The following PTPRD variants were observed in gnomAD, a reference collection of about 807,000 sequenced individuals.
PTPRD encodes the protein receptor-type tyrosine-protein phosphatase delta.
PTPRD carries 34 observed loss-of-function variants against 214.5 expected under a neutral mutation model. The ratio of observed to expected loss-of-function variants is 0.16; its 90% CI spans 0.12 to 0.21. The LOEUF is 0.21. Among genes scored for constraint, PTPRD ranks in the 10% least tolerant of loss-of-function variants. PTPRD has a pLI of 1.00. For synonymous variants in PTPRD, 1,128 were observed against 845.7 expected (o/e 1.33, Z -5.79); for missense variants, 2,545 against 2,398.7 (o/e 1.06, Z -1.27).
chr9:10,076,534 G>C (rs2098134352), intron 3 of PTPRD, among the ~76,000 whole-genome samples: 1 of 152,088 alleles, frequency 6.6e-6, no homozygotes, highest in African/African-American at 2.4e-5. Flanking sequence ...ATAAAAACAT[G>C]CAGTAAATGA....
chr9:10,605,656 T>C (rs954211372), intron 2 of PTPRD, among the ~76,000 whole-genome samples: 48 of 151,812 alleles, frequency 3.2e-4, no homozygotes, highest in African/African-American at 1.1e-3. Context: ...TAGATACGTA[T>C]CTGGAAATTT....
chr9:8,456,987 G>C (rs1034389438), intron 33 of PTPRD, among the ~76,000 whole-genome samples: 1 of 152,098 alleles, frequency 6.6e-6, no homozygotes, highest in Non-Finnish European at 1.5e-5. Context: ...CTGGAATAAA[G>C]TCTGAAAAGC....
chr9:8,383,678 G>A (rs189275651), intron 37 of PTPRD, among the ~76,000 whole-genome samples: 10 of 152,234 alleles, frequency 6.6e-5, no homozygotes, highest in Middle Eastern at 3.4e-3. Flanking sequence ...GCCCACATTG[G>A]ATTACAATAA....
intron 9 of PTPRD, among the ~76,000 whole-genome samples, chr9:9,282,937 T>C (rs191093364): frequency 1.4e-3 from 209 of 151,622 alleles, no homozygotes; most frequent in African/African-American, 4.8e-3. Flanking sequence ...TAGATTACAC[T>C]ATTCTATTCC....
intron 3 of PTPRD, among the ~76,000 whole-genome samples, chr9:10,337,552 T>G (rs1391590509): frequency 6.6e-6 from 1 of 151,682 alleles, no homozygotes; most frequent in Non-Finnish European, 1.5e-5. Context: ...AAAACAATAT[T>G]TTGTATATTC....
chr9:9,774,700 A>T (rs954456301), intron 5 of PTPRD, among the ~76,000 whole-genome samples: 1 of 152,232 alleles, frequency 6.6e-6, no homozygotes, highest in Non-Finnish European at 1.5e-5. Context: ...AGGCATTCAT[A>T]TAGAAGCCTT....
At chr9:9,678,286 G>C (rs2154395725) in intron 7 of PTPRD, among the ~76,000 whole-genome samples, 1 of 152,178 alleles carries the variant, frequency 6.6e-6, no homozygotes, top group African/African-American at 2.4e-5. Flanking sequence ...AAAGAAGAAA[G>C]CTGGAGGCAT....
intron 3 of PTPRD, among the ~76,000 whole-genome samples, chr9:10,223,012 A>G (rs547863128): frequency 6.6e-6 from 1 of 152,186 alleles, no homozygotes; most frequent in South Asian, 2.1e-4. Context: ...CAGAGAATGA[A>G]GAGTAAAAAT....
chr9:10,547,896 A>T (rs2130938717), intron 2 of PTPRD, among the ~76,000 whole-genome samples: 1 of 152,164 alleles, frequency 6.6e-6, no homozygotes, highest in East Asian at 1.9e-4. Context: ...TCGTGTTTTA[A>T]TAGAGATGTA....
intron 9 of PTPRD, among the ~76,000 whole-genome samples, chr9:9,391,283 A>T (rs2065756069): frequency 6.6e-6 from 1 of 152,144 alleles, no homozygotes. Flanking sequence ...GAGGCTATAA[A>T]CTACTCTGAT....
chr9:10,236,021 T>G (rs1594977220), intron 3 of PTPRD, among the ~76,000 whole-genome samples: 1 of 151,874 alleles, frequency 6.6e-6, no homozygotes, highest in East Asian at 1.9e-4. Context: ...TAATGTGGAT[T>G]TACACTAGAA....
intron 12 of PTPRD, among the ~76,000 whole-genome samples, chr9:8,642,284 G>C (rs1374392572): frequency 6.6e-6 from 1 of 152,122 alleles, no homozygotes; most frequent in Non-Finnish European, 1.5e-5. Context: ...GAAAATATGT[G>C]GCATGGGGAA....
chr9:8,712,794 C>G (rs979805458), intron 12 of PTPRD, among the ~76,000 whole-genome samples: 1 of 152,190 alleles, frequency 6.6e-6, no homozygotes, highest in Non-Finnish European at 1.5e-5. Flanking sequence ...TCTTGGCTCA[C>G]TGCAACCTCC....
At chr9:8,737,978 A>G (rs931589757) in intron 11 of PTPRD, among the ~76,000 whole-genome samples, 12 of 152,158 alleles carry the variant, frequency 7.9e-5, no homozygotes, top group African/African-American at 2.9e-4. Flanking sequence ...GGACATGCAG[A>G]TAGAACTCAA....
intron 11 of PTPRD, among the ~76,000 whole-genome samples, chr9:8,954,319 A>G (rs576619744): frequency 6.6e-6 from 1 of 151,900 alleles, no homozygotes; most frequent in African/African-American, 2.4e-5. Context: ...TAAAAAAAGG[A>G]GCAAAAGACG....
intron 9 of PTPRD, among the ~76,000 whole-genome samples, chr9:9,199,179 A>G (rs1451292527): frequency 6.6e-6 from 1 of 152,142 alleles, no homozygotes; most frequent in Admixed American, 6.6e-5. Flanking sequence ...GACTAGTTGC[A>G]CCTAGGGTAT....
intron 14 of PTPRD, among the ~76,000 whole-genome samples, chr9:8,597,387 T>C (rs2094531107): frequency 6.6e-6 from 1 of 152,170 alleles, no homozygotes; most frequent in African/African-American, 2.4e-5. Context: ...TATATTTCCA[T>C]TCAGTGCTAC....
At chr9:8,715,088 G>T (rs970392080) in intron 12 of PTPRD, among the ~76,000 whole-genome samples, 3 of 151,000 alleles carry the variant, frequency 2.0e-5, no homozygotes, top group Non-Finnish European at 4.4e-5. Context: ...TCCAAGACCT[G>T]AACAATATCT....
intron 4 of PTPRD, among the ~76,000 whole-genome samples, chr9:9,968,477 A>T (rs1017030518): frequency 1.1e-4 from 17 of 152,248 alleles, no homozygotes; most frequent in Admixed American, 2.0e-4. Context: ...CAAATTAGCT[A>T]TAAAGAATTA....
Sources: gnomAD v4.1 joint callset for allele counts (sites outside exome capture counted in the v4.1 genomes callset) on GRCh38, gnomAD v4.1.1 for gene constraint, MANE v1.5 for transcripts, NCBI Gene and HGNC (gene_info 2026-07-23, HGNC 2026-07-21) for gene names.